SAMD12: variants seen among roughly 807,000 people sequenced by gnomAD.
The protein encoded by SAMD12 is sterile alpha motif domain containing 12, also known as sterile alpha motif domain-containing protein 12.
A neutral mutation model predicts 15.0 loss-of-function variants in SAMD12; 9 were observed. The observed-to-expected ratio is 0.60, with a 90% CI of 0.36 to 1.05. The LOEUF (loss-of-function observed/expected upper bound fraction) is 1.05, where lower values mean the gene tolerates loss of function less well. Among genes scored for constraint, SAMD12 ranks in the 50% least tolerant of loss-of-function variants. The pLI is 0.01. For synonymous variants in SAMD12, 86 were observed against 90.1 expected (o/e 0.96, Z 0.25); for missense variants, 230 against 234.2 (o/e 0.98, Z 0.12).
chr8:118,256,434 G>A (rs1304195588), intron 4 of SAMD12, among the ~76,000 whole-genome samples: 2 of 151,900 alleles, frequency 1.3e-5, no homozygotes, highest in Non-Finnish European at 2.9e-5. Flanking sequence ...TAGTTTCCCA[G>A]GCTACCCCTC....
intron 2 of SAMD12, among the ~76,000 whole-genome samples, chr8:118,524,247 A>C (rs1825473025): frequency 6.6e-6 from 1 of 152,106 alleles, no homozygotes; most frequent in Non-Finnish European, 1.5e-5. Context: ...CATGGTCACC[A>C]ATGACTCCAC....
intron 4 of SAMD12, among the ~76,000 whole-genome samples, chr8:118,214,768 T>C (rs983860602): frequency 6.6e-6 from 1 of 152,242 alleles, no homozygotes; most frequent in Non-Finnish European, 1.5e-5. Context: ...GAAATTGTAA[T>C]TCTTTCCCAG....
chr8:118,467,323 A>C (rs1823622360), intron 2 of SAMD12, among the ~76,000 whole-genome samples: 1 of 152,208 alleles, frequency 6.6e-6, no homozygotes, highest in African/African-American at 2.4e-5. Context: ...TAAAATGGGA[A>C]CAATTGTGCT....
chr8:118,272,778 T>C (rs1813396495), intron 4 of SAMD12, among the ~76,000 whole-genome samples: 1 of 152,190 alleles, frequency 6.6e-6, no homozygotes, highest in South Asian at 2.1e-4. Context: ...CTCATCTCCA[T>C]CTGAGACCAT....
chr8:118,189,878 G>T (rs544653294), exon 5 of SAMD12: 2 of 134,302 alleles, frequency 1.5e-5, no homozygotes, highest in East Asian at 2.5e-4. Context: ...AGGCACTCTT[G>T]TTTTACCACA....
intron 4 of SAMD12, among the ~76,000 whole-genome samples, chr8:118,233,896 T>C (rs934044767): frequency 6.6e-6 from 1 of 152,166 alleles, no homozygotes; most frequent in Non-Finnish European, 1.5e-5. Flanking sequence ...AAGGATGGGG[T>C]AGCTCCACTC....
At chr8:118,446,063 A>G (rs1268091589) in intron 2 of SAMD12, among the ~76,000 whole-genome samples, 2 of 152,144 alleles carry the variant, frequency 1.3e-5, no homozygotes, top group African/African-American at 4.8e-5. Flanking sequence ...ATCCTTATTA[A>G]CCAATGTATT....
intron 3 of SAMD12, among the ~76,000 whole-genome samples, chr8:118,387,867 C>T (rs958974238): frequency 1.3e-5 from 2 of 152,074 alleles, no homozygotes; most frequent in Admixed American, 1.3e-4. Flanking sequence ...TGCACAAGGG[C>T]GTAATGTTTC....
chr8:118,485,044 C>G (rs2130999145), intron 2 of SAMD12, among the ~76,000 whole-genome samples: 1 of 152,292 alleles, frequency 6.6e-6, no homozygotes, highest in South Asian at 2.1e-4. Context: ...ATTGCACCAT[C>G]ATGATCTGCA....
chr8:118,358,107 T>C (rs1338028693), intron 4 of SAMD12, among the ~76,000 whole-genome samples: 1 of 152,180 alleles, frequency 6.6e-6, no homozygotes, highest in Non-Finnish European at 1.5e-5. Context: ...ACTGCATTTT[T>C]GCACTCCAGC....
the SAMD12 span, among the ~76,000 whole-genome samples, chr8:118,168,595 A>G: frequency 1.3e-5 from 2 of 152,168 alleles, no homozygotes; most frequent in Non-Finnish European, 2.9e-5. Context: ...TTCAGTCCTC[A>G]TGCAAACAGG....
the SAMD12 span, among the ~76,000 whole-genome samples, chr8:118,179,298 G>A: frequency 3.3e-5 from 5 of 151,970 alleles, no homozygotes; most frequent in South Asian, 2.1e-4. Context: ...TTAGCCGGGC[G>A]TGGTGGCGCA....
At chr8:118,160,717 T>C in the SAMD12 span, among the ~76,000 whole-genome samples, 3 of 152,214 alleles carry the variant, frequency 2.0e-5, no homozygotes, top group South Asian at 2.1e-4. Context: ...GTGAAACATA[T>C]AAATATGCAA....
At chr8:118,245,370 G>T (rs1233146470) in intron 4 of SAMD12, among the ~76,000 whole-genome samples, 1 of 152,070 alleles carries the variant, frequency 6.6e-6, no homozygotes, top group African/African-American at 2.4e-5. Flanking sequence ...AAAACATTAG[G>T]CCTACCGGTA....
chr8:118,424,060 C>A (rs1477568147), intron 3 of SAMD12, among the ~76,000 whole-genome samples: 1 of 151,890 alleles, frequency 6.6e-6, no homozygotes, highest in East Asian at 1.9e-4. Flanking sequence ...TTAAAATAAT[C>A]ATTATTACTA....
At chr8:118,184,005 A>T in the SAMD12 span, among the ~76,000 whole-genome samples, 1 of 152,324 alleles carries the variant, frequency 6.6e-6, no homozygotes, top group Non-Finnish European at 1.5e-5. Flanking sequence ...ATATTGTTAG[A>T]ATTAAATGAG....
At chr8:118,312,866 T>C (rs928659821) in intron 4 of SAMD12, among the ~76,000 whole-genome samples, 1 of 152,152 alleles carries the variant, frequency 6.6e-6, no homozygotes, top group Non-Finnish European at 1.5e-5. Context: ...ACTAAACTCA[T>C]AGATGACACA....
intron 4 of SAMD12, among the ~76,000 whole-genome samples, chr8:118,233,303 G>C (rs1271927779): frequency 1.3e-5 from 2 of 152,150 alleles, no homozygotes; most frequent in East Asian, 3.8e-4. Flanking sequence ...TTGTGGCTTT[G>C]ATGTCCCACA....
chr8:118,261,066 A>C (rs1292313393), intron 4 of SAMD12, among the ~76,000 whole-genome samples: 1 of 152,162 alleles, frequency 6.6e-6, no homozygotes, highest in African/African-American at 2.4e-5. Context: ...TTAAAAGCGT[A>C]AATGAGTGAA....
Sources: gnomAD v4.1 joint callset for allele counts (sites outside exome capture counted in the v4.1 genomes callset) on GRCh38, gnomAD v4.1.1 for gene constraint, MANE v1.5 for transcripts, NCBI Gene and HGNC (gene_info 2026-07-23, HGNC 2026-07-21) for gene names.